The following CARD14 variants were observed in gnomAD, a reference collection of about 807,000 sequenced individuals.
CARD14 encodes the protein caspase recruitment domain-containing protein 14.
Under a neutral mutation model 111.5 loss-of-function variants are expected in CARD14, and 107 were observed. The observed-to-expected ratio is 0.96, with a 90% CI of 0.82 to 1.13. The LOEUF is 1.13. CARD14 is among the 50% of genes most tolerant of loss of function. The pLI is 0.00. For synonymous variants in CARD14, 617 were observed against 579.6 expected, an observed-to-expected ratio of 1.06 and a Z score of -0.93; for missense variants, 1,322 against 1,362.3, an observed-to-expected ratio of 0.97 and a Z score of 0.47.
At chr17:80,185,185 C>T (rs1413304642) in intron 7 of CARD14, among the ~76,000 whole-genome samples, 1 of 151,922 alleles carries the variant, frequency 6.6e-6, no homozygotes, top group Non-Finnish European at 1.5e-5. Context: ...GTAGCTGGGA[C>T]TACAGATTGT....
intron 2 of CARD14, among the ~76,000 whole-genome samples, chr17:80,174,169 C>T (rs1469724228): frequency 6.6e-6 from 1 of 152,104 alleles, no homozygotes; most frequent in Non-Finnish European, 1.5e-5. Flanking sequence ...ACCCCATTCT[C>T]CACAAAACGG....
chr17:80,203,584 A>T lies in CARD14; in HGVS notation c.2220-238A>T. The T allele has an allele frequency of 2.1e-6, 1 of 471,724 alleles. No individual in the cohort carries two copies. Among genetic ancestry groups the T allele is most frequent in the African/African-American group, 2.0e-5 (1 of 49,838 alleles). 29.2% of individuals were successfully genotyped at this position (471,724 alleles called of 1,614,324 possible). On this transcript the variant is annotated intron_variant, in intron 18 of 23. Coordinates refer to ENST00000648509, the MANE Select transcript of CARD14 (RefSeq NM_001366385.1). This position sits in a 1 kb window ranked among gnomAD's most constrained non-coding sequence, Gnocchi z 4.6. ...CACCCCCTGGGTCCCGCCCCAGGACAAGTAAATCAGCATCTCCAGGGGTGG... is the reference window on the plus strand; with the variant it reads ...CACCCCCTGGGTCCCGCCCCAGGACTAGTAAATCAGCATCTCCAGGGGTGG...
intron 23 of CARD14, 26 bp from the exon 24 acceptor site, chr17:80,208,112 G>T: frequency 8.2e-7 from 1 of 1,217,656 alleles, no homozygotes; most frequent in Non-Finnish European, 1.1e-6. Flanking sequence ...CCCTGAGCCC[G>T]CCCCCCCCAA....
intron 1 of CARD14, among the ~76,000 whole-genome samples, chr17:80,170,917 T>G (rs1232098312): frequency 6.7e-6 from 1 of 149,104 alleles, no homozygotes; most frequent in Non-Finnish European, 1.5e-5. Context: ...CTCGGCTCAC[T>G]GCAATTTCTG....
At chr17:80,190,930 C>T (rs773594132) in intron 10 of CARD14, 31 bp downstream of exon 10, 107 of 1,605,724 alleles carry the variant, frequency 6.7e-5, no homozygotes, top group Non-Finnish European at 8.8e-5. Flanking sequence ...ACCCCGCCAC[C>T]CCATGCTTGC....
At position 80,185,093 on chromosome 17, in the gene CARD14, C is replaced by T. The variant is rs117069601; in HGVS notation, c.675+855C>T. On this transcript the variant is annotated intron_variant, in intron 7 of 23. Transcript: ENST00000648509. The stretch of plus-strand genomic sequence containing the variant: ...TTTTAGAGGCACTATCTCGCTCTGT[C>T]ACCAAGGCTGGAGTGCAGTGGTACA... Among the ~76,000 whole-genome samples, 16 of 152,276 alleles carry T rather than the reference C, an allele frequency of 1.1e-4. No individual in the cohort carries two copies. The East Asian group carries it at 2.9e-3, about 27-fold the overall frequency.
At chr17:80,186,731 G>A (rs2040356578) in intron 7 of CARD14, among the ~76,000 whole-genome samples, 1 of 152,130 alleles carries the variant, frequency 6.6e-6, no homozygotes, top group Admixed American at 6.5e-5. Flanking sequence ...CGTATTTTTA[G>A]TAGAGACGGG....
At chr17:80,187,848 G>A in intron 7 of CARD14, 1 of 985,458 alleles carries the variant, frequency 1.0e-6, no homozygotes, top group Non-Finnish European at 1.2e-6. Flanking sequence ...TCCCTGGAAG[G>A]CCAGGGCCCT....
At chr17:80,180,036 C>G (rs1483486767) in intron 4 of CARD14, among the ~76,000 whole-genome samples, 1 of 152,126 alleles carries the variant, frequency 6.6e-6, no homozygotes, top group East Asian at 1.9e-4. Flanking sequence ...AAACAGTGCA[C>G]AGTTTTAAAA....
chr17:80,183,793 C>CGCCCACATGCTCACCT lies in CARD14; in HGVS notation c.350-97_350-82dup, dbSNP rs1157190387. ...ATGCTCACCCGCCCACATGCTCACCCGCCCACATGCTCACCTGCCCACATG... is the reference window on the plus strand; with the variant it reads ...ATGCTCACCCGCCCACATGCTCACCCGCCCACATGCTCACCTGCCCACATGCTCACCTGCCCACATG... On this transcript the variant is annotated intron_variant, in intron 6 of 23. Coordinates refer to ENST00000648509, the MANE Select transcript of CARD14 (RefSeq NM_001366385.1). 1,458 of 487,836 alleles carry CGCCCACATGCTCACCT rather than the reference C, an allele frequency of 3.0e-3. 3 individuals carry two copies. The highest frequency in any genetic ancestry group is 3.6e-3 in the Middle Eastern group (7 of 1,920). 30.2% of individuals were successfully genotyped at this position (487,836 alleles called of 1,614,324 possible).
In CARD14 at chr17:80,197,883, A is replaced by C. The variant is rs1259921196; in HGVS notation, c.1595-216A>C. ...GTCCCAAGCATTGAGGAAGGGGTGGAGGAAGAGAAAGTTCAGCCTCAGCAC... is the reference window on the plus strand; with the variant it reads ...GTCCCAAGCATTGAGGAAGGGGTGGCGGAAGAGAAAGTTCAGCCTCAGCAC... On this transcript the variant is annotated intron_variant, in intron 14 of 23. Transcript: ENST00000648509. Among the ~76,000 whole-genome samples the C allele has an allele frequency of 2.0e-5, 3 of 152,206 alleles. No homozygotes were observed. The East Asian group carries it at 5.8e-4, about 29-fold the overall frequency.
chr17:80,174,438 C>T (rs555077501), intron 2 of CARD14, among the ~76,000 whole-genome samples: 3 of 152,124 alleles, frequency 2.0e-5, no homozygotes, highest in Non-Finnish European at 4.4e-5. Context: ...GTCTGGAACT[C>T]CTGACCTCAG....
At position 80,181,431 on chromosome 17, in the gene CARD14, G is replaced by A. The variant is rs367878757; in HGVS notation, c.-8G>A. On this transcript the variant is annotated 5_prime_UTR_variant, in exon 5 of 24. Transcript: ENST00000648509. Reference sequence around the variant, plus strand: ...CCACCCCTCCTAGGGTCCTCCCAGCGCCCAGCCATGGGGGAACTGTGCCGC... The same window carrying A: ...CCACCCCTCCTAGGGTCCTCCCAGCACCCAGCCATGGGGGAACTGTGCCGC... The A allele has an allele frequency of 1.8e-5, 28 of 1,559,208 alleles. No individual in the cohort carries two copies. The highest frequency in any genetic ancestry group is 4.8e-5 in the East Asian group (2 of 41,506).
chr17:80,195,105 GCTCT>G lies in CARD14; in HGVS notation c.1357-81_1357-78del. 6.7e-7 allele frequency: 1 copy of G among 1,487,182 alleles called. No homozygotes were observed. Among genetic ancestry groups the G allele is most frequent in the Non-Finnish European group, 9.0e-7 (1 of 1,109,132 alleles). 92.1% of individuals were successfully genotyped at this position (1,487,182 alleles called of 1,614,324 possible). A position where few individuals can be genotyped will look rare whatever the true frequency, so the allele number is the denominator to read the frequency against. On this transcript the variant is annotated intron_variant, in intron 12 of 23. Coordinates refer to ENST00000648509, the MANE Select transcript of CARD14 (RefSeq NM_001366385.1). This position sits in a 1 kb window ranked among gnomAD's most constrained non-coding sequence, Gnocchi z 4.7. ...TCCTCTCCAGTCAGTTCTCACTGTG[GCTCT>G]CTCTACACCGTGGGGGAGCAAGGGA...
chr17:80,195,805 G>T lies in CARD14; in HGVS notation c.1594+153G>T, dbSNP rs1210994359. On this transcript the variant is annotated intron_variant, in intron 14 of 23. Transcript: ENST00000648509. The surrounding 1 kb of genome is among the most constrained non-coding windows in gnomAD (Gnocchi z 4.7). ...GGGCCTTGACCTTGGCCTCGACCTT[G>T]CACTTTGGGAAAGTCCCGCCTGCCA... The T allele has an allele frequency of 3.0e-6, 2 of 659,208 alleles. No individual in the cohort carries two copies. The highest frequency in any genetic ancestry group is 5.7e-5 in the East Asian group (2 of 35,262). The allele number at this position is 659,208 out of a possible 1,614,324, so 40.8% of individuals were successfully genotyped here.
chr17:80,190,300 C>T (rs192663104), intron 9 of CARD14, among the ~76,000 whole-genome samples: 1,601 of 152,294 alleles, frequency 0.011, 16 homozygotes, highest in South Asian at 0.042. Flanking sequence ...TTTCTAGATG[C>T]ACCTCGAAAT....
In CARD14 at chr17:80,205,126, G is replaced by A. The variant is rs1348783525; in HGVS notation, c.2490G>A (p.Val830=). ...ATCGACCCGCCCGGCCCCGGCCTGT[G>A]CTCCTCGTGCCCAGGGCGGTTGGGA... ...RPHRPARPRP[V]LLVPRAVGKI... The change falls in exon 21 of 24, where the codon GTG becomes GTA. Residue 830 remains valine (V), a synonymous_variant. Transcript: ENST00000648509. The A allele has an allele frequency of 6.2e-7, 1 of 1,613,594 alleles. No homozygotes were observed. Among genetic ancestry groups the A allele is most frequent in the Non-Finnish European group, 8.5e-7 (1 of 1,179,950 alleles).
intron 1 of CARD14, chr17:80,170,652 G>A (rs1255246366): frequency 6.6e-6 from 1 of 152,218 alleles, no homozygotes; most frequent in Non-Finnish European, 1.5e-5. Flanking sequence ...TGACCTGGGA[G>A]GGGTCAAATA....
At chr17:80,173,630 G>A (rs1222723084) in intron 2 of CARD14, among the ~76,000 whole-genome samples, 5 of 149,926 alleles carry the variant, frequency 3.3e-5, no homozygotes, top group Admixed American at 3.3e-4. Context: ...ATGGAGTCTC[G>A]CACTGTCACC....
Sources: gnomAD v4.1 joint callset for allele counts (sites outside exome capture counted in the v4.1 genomes callset) on GRCh38, gnomAD v4.1.1 for gene constraint, Gnocchi (gnomAD v3.1) non-coding constraint, MANE v1.5 for transcripts, NCBI Gene and HGNC (gene_info 2026-07-23, HGNC 2026-07-21) for gene names.